The following RTL4 variants were observed in gnomAD, a reference collection of about 807,000 sequenced individuals.
RTL4 encodes retrotransposon Gag-like protein 4.
In RTL4, 4 loss-of-function variants were observed where a neutral mutation model predicts 5.3. That is an observed-to-expected ratio of 0.75 (90% CI 0.37 to 1.72). The LOEUF (loss-of-function observed/expected upper bound fraction) is 1.72. Ranked by LOEUF, RTL4 falls within the 40% of genes most tolerant of loss-of-function variation. The probability of loss-of-function intolerance (pLI) is 0.04; values close to 1 mark genes in which losing one functional copy is unlikely to be tolerated. For synonymous variants in RTL4, 98 were observed against 87.3 expected (o/e 1.12, Z -0.68); for missense variants, 260 against 227.1 (o/e 1.14, Z -0.93).
At chrX:112,390,436 G>A in the RTL4 span, among the ~76,000 whole-genome samples, 1,115 of 105,410 alleles carry the variant, frequency 0.011, 16 homozygotes, top group African/African-American at 0.037. Flanking sequence ...TGGGTGACAC[G>A]GTGAGACTCT....
chrX:112,315,696 T>C, the RTL4 span, among the ~76,000 whole-genome samples: 1 of 111,795 alleles, frequency 8.9e-6, no homozygotes, highest in African/African-American at 3.3e-5. Context: ...ATTTATTACA[T>C]GTCTCCTTTC....
exon 1 of RTL4, chrX:112,455,341 C>A (rs745538304): frequency 7.4e-6 from 9 of 1,211,630 alleles, no homozygotes; most frequent in Non-Finnish European, 1.0e-5. Flanking sequence ...GATGGACAAT[C>A]TTCCAGACCT....
chrX:112,217,805 C>T, the RTL4 span, among the ~76,000 whole-genome samples: 3 of 111,760 alleles, frequency 2.7e-5, no homozygotes, highest in Admixed American at 2.9e-4. Context: ...AAATATTTCC[C>T]TCATTCTTTA....
At chrX:112,454,905 G>A (rs1926808202) in exon 1 of RTL4, 1 of 1,208,402 alleles carries the variant, frequency 8.3e-7, no homozygotes, top group Admixed American at 2.2e-5. Flanking sequence ...ACTCACTTGA[G>A]CATCTCACCC....
chrX:112,335,054 T>A, the RTL4 span, among the ~76,000 whole-genome samples: 3 of 111,924 alleles, frequency 2.7e-5, no homozygotes, highest in Non-Finnish European at 3.8e-5. Flanking sequence ...CCTGGAATAA[T>A]TTACGTAACA....
the RTL4 span, among the ~76,000 whole-genome samples, chrX:112,449,360 T>C: frequency 9.0e-6 from 1 of 111,644 alleles, no homozygotes; most frequent in Non-Finnish European, 1.9e-5. Context: ...CTATGGAGGC[T>C]CAGATAAAGC....
the RTL4 span, among the ~76,000 whole-genome samples, chrX:112,295,887 G>A: frequency 2.7e-5 from 3 of 112,294 alleles, no homozygotes; most frequent in African/African-American, 9.7e-5. Flanking sequence ...GTACCCAAAT[G>A]TCTCAGTTCC....
the RTL4 span, among the ~76,000 whole-genome samples, chrX:112,172,226 G>A: frequency 2.7e-5 from 3 of 110,923 alleles, no homozygotes; most frequent in Non-Finnish European, 3.8e-5. Context: ...TAGGGAGGCT[G>A]AGACAGGATA....
chrX:112,382,068 G>A, the RTL4 span: 3 of 1,210,105 alleles, frequency 2.5e-6, no homozygotes, highest in Non-Finnish European at 2.2e-6. Flanking sequence ...TTAGAAAACA[G>A]GAAGCAGCAG....
chrX:112,335,897 C>T, the RTL4 span, among the ~76,000 whole-genome samples: 1 of 109,564 alleles, frequency 9.1e-6, no homozygotes, highest in Non-Finnish European at 1.9e-5. Context: ...GGCTGGAGTG[C>T]GGTGGTGCGA....
chrX:112,131,210 T>C, the RTL4 span, among the ~76,000 whole-genome samples: 1 of 56,411 alleles, frequency 1.8e-5, no homozygotes, highest in African/African-American at 7.3e-5. Flanking sequence ...ATCTAAGGTA[T>C]GTAAATACCT....
At chrX:112,268,328 G>A in the RTL4 span, among the ~76,000 whole-genome samples, 1 of 112,084 alleles carries the variant, frequency 8.9e-6, no homozygotes, top group Non-Finnish European at 1.9e-5. Flanking sequence ...TTCTCTCAAT[G>A]AATGAAAGAA....
chrX:112,251,322 C>T, the RTL4 span, among the ~76,000 whole-genome samples: 1 of 111,302 alleles, frequency 9.0e-6, no homozygotes, highest in African/African-American at 3.3e-5. Context: ...CTTTTTTATC[C>T]TTGCCTTATT....
At chrX:112,377,687 G>C in the RTL4 span, among the ~76,000 whole-genome samples, 1 of 112,063 alleles carries the variant, frequency 8.9e-6, no homozygotes, top group African/African-American at 3.2e-5. Context: ...ACAGGGTTTA[G>C]AGCATAAAAA....
At chrX:112,277,094 T>C in the RTL4 span, among the ~76,000 whole-genome samples, 2 of 111,671 alleles carry the variant, frequency 1.8e-5, no homozygotes, top group African/African-American at 6.5e-5. Flanking sequence ...ACAGACCTAA[T>C]TTCATTCCAA....
At chrX:112,286,195 G>A in the RTL4 span, among the ~76,000 whole-genome samples, 1 of 112,040 alleles carries the variant, frequency 8.9e-6, no homozygotes. Flanking sequence ...TCTGGGAGAA[G>A]AATATTTCAC....
At chrX:112,396,994 T>C in the RTL4 span, among the ~76,000 whole-genome samples, 3 of 112,048 alleles carry the variant, frequency 2.7e-5, no homozygotes, top group East Asian at 8.4e-4. Flanking sequence ...TGAGTTTACA[T>C]TGACTTACAA....
the RTL4 span, among the ~76,000 whole-genome samples, chrX:112,211,662 T>C: frequency 5.4e-5 from 6 of 111,681 alleles, no homozygotes; most frequent in African/African-American, 2.0e-4. Context: ...AACAGTGTAA[T>C]TGTAGTGGTT....
At chrX:112,379,726 TTGA>T in the RTL4 span, among the ~76,000 whole-genome samples, 6 of 112,279 alleles carry the variant, frequency 5.3e-5, no homozygotes, top group Non-Finnish European at 9.4e-5. Flanking sequence ...TCAGTAGTTG[TTGA>T]TATTTATCAC....
Sources: gnomAD v4.1 joint callset for allele counts (sites outside exome capture counted in the v4.1 genomes callset) on GRCh38, gnomAD v4.1.1 for gene constraint, MANE v1.5 for transcripts, NCBI Gene and HGNC (gene_info 2026-07-23, HGNC 2026-07-21) for gene names.